Variants in PSG11 observed in about 807,000 individuals in gnomAD.
PSG11 encodes pregnancy specific beta-1-glycoprotein 11.
A neutral mutation model predicts 36.0 loss-of-function variants in PSG11; 42 were observed. The observed-to-expected ratio is 1.17, with a 90% CI of 0.91 to 1.51. The LOEUF is 1.51. Among genes scored for constraint, PSG11 ranks in the 40% most tolerant of loss-of-function variants. PSG11 has a pLI of 0.00. For synonymous variants in PSG11, 206 were observed against 153.5 expected (o/e 1.34, Z -2.53); for missense variants, 558 against 403.5 (o/e 1.38, Z -3.28).
Position 43,019,044 on chromosome 19 carries a change from C to T in PSG11, c.435G>A (p.Glu145=), listed in dbSNP as rs778772279. The change falls in exon 3 of 6, where the codon GAG becomes GAA. Residue 145 remains glutamate, a synonymous_variant. Coordinates refer to ENST00000320078, the MANE Select transcript of PSG11 (RefSeq NM_002785.3). ...TGYFTFTLYL[E]TPKPSISSSN... is the part of the protein sequence containing the mutation. Reference sequence around the variant, plus strand: ...TGCTGGAGATGGAGGGCTTGGGAGTCTCCACTGTGCAGAAAACAGAGAGAA... The same window carrying T: ...TGCTGGAGATGGAGGGCTTGGGAGTTTCCACTGTGCAGAAAACAGAGAGAA... 7 of 1,610,966 alleles carry T rather than the reference C, an allele frequency of 4.3e-6. No homozygotes were observed. Among genetic ancestry groups the T allele is most frequent in the Admixed American group, 1.7e-5 (1 of 59,778 alleles).
chr19:43,015,191 C>T lies in PSG11; in HGVS notation c.889G>A (p.Gly297Arg). 1 of 1,611,248 alleles carries T rather than the reference C, an allele frequency of 6.2e-7. No homozygotes were observed. The highest frequency in any genetic ancestry group is 8.5e-7 in the Non-Finnish European group (1 of 1,178,304). ...TTACGAGCAGAGCAAGCATAGAGCCCATTATGCTTTGGAGTAATCTGAGGG... is the reference window on the plus strand; with the variant it reads ...TTACGAGCAGAGCAAGCATAGAGCCTATTATGCTTTGGAGTAATCTGAGGG... ...FIPQITPKHN[G>R]LYACSARNSA... The change falls in exon 4 of 6, where the codon GGG (glycine) becomes AGG (arginine). Residue 297 changes from glycine to arginine, a missense_variant. Transcript: ENST00000320078.
intron 3 of PSG11, among the ~76,000 whole-genome samples, chr19:43,018,032 T>A (rs565503689): frequency 2.0e-5 from 3 of 151,328 alleles, no homozygotes; most frequent in Admixed American, 6.6e-5. Flanking sequence ...CCTCTCCCTT[T>A]GCAGAGGGCA....
intron 2 of PSG11, among the ~76,000 whole-genome samples, chr19:43,023,892 G>T (rs1422373609): frequency 6.6e-6 from 1 of 151,438 alleles, no homozygotes; most frequent in Non-Finnish European, 1.5e-5. Context: ...CAGTGGAGGT[G>T]TTCACACAAG....
At chr19:43,021,905 C>T (rs1024645221) in intron 2 of PSG11, among the ~76,000 whole-genome samples, 6 of 151,352 alleles carry the variant, frequency 4.0e-5, no homozygotes, top group Admixed American at 4.0e-4. Flanking sequence ...GCAGAGATTA[C>T]AACAGTGACA....
intron 3 of PSG11, 46 bp downstream of exon 3, chr19:43,018,724 T>A (rs777056256): frequency 3.1e-6 from 5 of 1,611,852 alleles, no homozygotes; most frequent in Non-Finnish European, 4.2e-6. Context: ...TGGCCATGTG[T>A]ATTTGGGATG....
chr19:43,018,814 G>T lies in PSG11; in HGVS notation c.665C>A (p.Ser222Ter). The change falls in exon 3 of 6, where the codon TCA becomes TAA. Residue 222 changes from serine (S) to a stop codon, truncating the protein, a stop_gained. Transcript: ENST00000320078. LOFTEE classifies it high-confidence loss of function. ...AGPYECEIWN[S>*]GSASRSDPVT... ...TGGGTCACTGCGGCTGGCACTCCCT[G>T]AGTTCCATATTTCACATTCATAGGG... 1 of 1,612,110 alleles carries T rather than the reference G, an allele frequency of 6.2e-7. No homozygotes were observed. The highest frequency in any genetic ancestry group is 8.5e-7 in the Non-Finnish European group (1 of 1,179,064).
At chr19:43,023,237 A>G (rs544422895) in intron 2 of PSG11, among the ~76,000 whole-genome samples, 25 of 150,202 alleles carry the variant, frequency 1.7e-4, no homozygotes, top group East Asian at 1.2e-3. Flanking sequence ...GTGTGGCTAG[A>G]ACCTCCTAGG....
rs916044852 is a variant in PSG11 at position 43,017,664 on chromosome 19, T to G, written c.709+1106A>C. ...GCAAAAAATGTTACTGGGATTCTAGTAGGGGTTGCATTGAATCTGCAACTC... is the reference window on the plus strand; with the variant it reads ...GCAAAAAATGTTACTGGGATTCTAGGAGGGGTTGCATTGAATCTGCAACTC... On this transcript the variant is annotated intron_variant, in intron 3 of 5. Coordinates refer to ENST00000320078, the MANE Select transcript of PSG11 (RefSeq NM_002785.3). 7.7e-4 allele frequency: 117 copies of G among 151,532 alleles called. 2 individuals carry two copies. The highest frequency in any genetic ancestry group is 2.6e-3 in the African/African-American group (107 of 41,142). The allele number at this position is 151,532 out of a possible 1,614,324, so 9.4% of individuals were successfully genotyped here.
intron 4 of PSG11, among the ~76,000 whole-genome samples, chr19:43,012,693 G>T (rs1434769503): frequency 2.0e-5 from 3 of 151,490 alleles, no homozygotes; most frequent in Non-Finnish European, 4.4e-5. Flanking sequence ...ACTCAATATT[G>T]TTAGGAGGAC....
chr19:43,018,805 G>T lies in PSG11; in HGVS notation c.674C>A (p.Ala225Asp), dbSNP rs753769223. The change falls in exon 3 of 6, where the codon GCC (alanine) becomes GAC (aspartate). Residue 225 changes from alanine to aspartate, a missense_variant. Physicochemically the swap from Ala to Asp is moderately radical, Grantham distance 126. Transcript: ENST00000320078. ...YECEIWNSGS[A>D]SRSDPVTLNL... ...CAGGGTGACTGGGTCACTGCGGCTG[G>T]CACTCCCTGAGTTCCATATTTCACA... 4.3e-6 allele frequency: 7 copies of T among 1,612,050 alleles called. No homozygotes were observed. The South Asian group carries it at 4.4e-5, about 10-fold the overall frequency.
intron 3 of PSG11, chr19:43,015,791 C>A (rs760918176): frequency 6.2e-7 from 1 of 1,609,338 alleles, no homozygotes; most frequent in South Asian, 1.1e-5. Flanking sequence ...GTGACTGAGT[C>A]ACTGCGGATG....
intron 4 of PSG11, among the ~76,000 whole-genome samples, chr19:43,012,847 G>A (rs898562358): frequency 2.6e-5 from 4 of 151,400 alleles, no homozygotes; most frequent in Non-Finnish European, 5.9e-5. Context: ...GAGGAAGAAT[G>A]AAGCTGGAGG....
intron 3 of PSG11, chr19:43,015,682 T>A (rs1966945638): frequency 6.4e-7 from 1 of 1,571,006 alleles, no homozygotes; most frequent in South Asian, 1.2e-5. Context: ...GTGTCTGTAC[T>A]TGGACCGGAG....
In PSG11 at chr19:43,015,217, A is replaced by G; in HGVS notation, c.863T>C (p.Ile288Thr). ...ATTATGCTTTGGAGTAATCTGAGGGATAAAGAGCTTTTGTCCTGATAGCTG... is the reference window on the plus strand; with the variant it reads ...ATTATGCTTTGGAGTAATCTGAGGGGTAAAGAGCTTTTGTCCTGATAGCTG... The part of the protein sequence containing the change: ...KFQLSGQKLF[I>T]PQITPKHNGL... Residue 288 changes from isoleucine (I) to threonine (T), a missense_variant, in exon 4 of 6, where the codon ATC (isoleucine) becomes ACC (threonine). Transcript: ENST00000320078. 3 of 1,611,356 alleles carry G rather than the reference A, an allele frequency of 1.9e-6. No individual in the cohort carries two copies. Among genetic ancestry groups the G allele is most frequent in the Non-Finnish European group, 2.5e-6 (3 of 1,178,400 alleles).
At position 43,024,776 on chromosome 19, in the gene PSG11, C is replaced by T. The variant is rs554748177; in HGVS notation, c.345G>A (p.Glu115=). 60 of 1,611,756 alleles carry T rather than the reference C, an allele frequency of 3.7e-5. No homozygotes were observed. In the African/African-American group the frequency reaches 5.0e-4, roughly 13 times the overall value. The change falls in exon 2 of 6, where the codon GAG becomes GAA. Residue 115 remains glutamate (E), a synonymous_variant. Transcript: ENST00000320078. ...ASLLIQNVTR[E]DAGSYTLHII... is the part of the protein sequence containing the mutation. ...TGTGTAAGGTGTAGGATCCTGCGTCCTCCCGGGTGACATTCTGGATCAGCA... is the reference window on the plus strand; with the variant it reads ...TGTGTAAGGTGTAGGATCCTGCGTCTTCCCGGGTGACATTCTGGATCAGCA...
chr19:43,024,256 G>C lies in PSG11; in HGVS notation c.430+435C>G, dbSNP rs1225085015. On this transcript the variant is annotated intron_variant, in intron 2 of 5. Coordinates refer to ENST00000320078, the MANE Select transcript of PSG11 (RefSeq NM_002785.3). ...AAGCCACAACCCAGCCCTGGAACAGGCTCCTCAGCTTTATCTGGAACAAGG... is the reference window on the plus strand; with the variant it reads ...AAGCCACAACCCAGCCCTGGAACAGCCTCCTCAGCTTTATCTGGAACAAGG... 2.6e-5 allele frequency among the ~76,000 whole-genome samples: 4 copies of C among 151,316 alleles called. 1 individual carries two copies. The highest frequency in any genetic ancestry group is 4.4e-5 in the Non-Finnish European group (3 of 67,856).
chr19:43,022,405 G>A (rs569851880), intron 2 of PSG11, among the ~76,000 whole-genome samples: 7 of 151,084 alleles, frequency 4.6e-5, no homozygotes, highest in African/African-American at 1.2e-4. Context: ...ATTTCCCTCC[G>A]CCCGCATGAT....
chr19:43,010,201 G>T (rs1011582811), intron 4 of PSG11, 160 bp from the exon 5 acceptor site: 1 of 1,449,956 alleles, frequency 6.9e-7, no homozygotes, highest in Non-Finnish European at 9.1e-7. Flanking sequence ...TATTCTTGCA[G>T]TTTTTTTTCC....
intron 5 of PSG11, among the ~76,000 whole-genome samples, chr19:43,008,297 G>T (rs1180556783): frequency 6.6e-6 from 1 of 151,004 alleles, no homozygotes; most frequent in East Asian, 1.9e-4. Flanking sequence ...TTTTGAGATG[G>T]AGTCTCACTC....
Sources: allele counts gnomAD v4.1 joint callset (sites outside exome capture counted in the v4.1 genomes callset), GRCh38; gene constraint gnomAD v4.1.1; transcripts MANE v1.5; gene names NCBI Gene and HGNC (gene_info 2026-07-23, HGNC 2026-07-21).